Variants in DDX60 observed in about 807,000 individuals in gnomAD.
DDX60 encodes the protein probable ATP-dependent RNA helicase DDX60.
Under a neutral mutation model 212.8 loss-of-function variants are expected in DDX60, and 165 were observed. The ratio of observed to expected loss-of-function variants is 0.78; its 90% confidence interval spans 0.68 to 0.88. The LOEUF is 0.88. Ranked by LOEUF, DDX60 falls within the 40% of genes least tolerant of loss-of-function variation. The pLI, the probability that DDX60 is intolerant of heterozygous loss-of-function variation, is 0.00. For synonymous variants in DDX60, 703 were observed against 685.3 expected (o/e 1.03, Z -0.40); for missense variants, 1,905 against 2,003.9 (o/e 0.95, Z 0.94).
At chr4:168,252,006 T>C (rs1419643331) in intron 27 of DDX60, among the ~76,000 whole-genome samples, 5 of 152,242 alleles carry the variant, frequency 3.3e-5, no homozygotes, top group Non-Finnish European at 1.5e-5. Flanking sequence ...GCTATTCCAA[T>C]GCCTCTTTGG....
chr4:168,298,513 T>C (rs1240761048), intron 6 of DDX60, among the ~76,000 whole-genome samples: 3 of 152,160 alleles, frequency 2.0e-5, no homozygotes, highest in Non-Finnish European at 4.4e-5. Flanking sequence ...AGTCTTTTAT[T>C]CTAAAAGCCA....
intron 3 of DDX60, among the ~76,000 whole-genome samples, chr4:168,308,796 T>C (rs1360142289): frequency 2.7e-5 from 4 of 150,580 alleles, no homozygotes; most frequent in African/African-American, 9.7e-5. Flanking sequence ...TCAATAAATA[T>C]ATTAGAAAAA....
the DDX60 span, among the ~76,000 whole-genome samples, chr4:168,324,129 G>A: frequency 6.6e-6 from 1 of 152,188 alleles, no homozygotes; most frequent in Non-Finnish European, 1.5e-5. Context: ...CCCAAGTTTG[G>A]CTCCATCCTG....
chr4:168,252,769 C>G, intron 26 of DDX60, 113 bp from the exon 27 acceptor site: 5 of 679,916 alleles, frequency 7.4e-6, no homozygotes, highest in Non-Finnish European at 1.2e-5. Context: ...TCTTCTCACC[C>G]AGACTTCCAC....
Position 168,248,300 on chromosome 4 carries a change from G to A in DDX60, c.3859-8C>T, listed in dbSNP as rs570867220. On this transcript the variant is annotated splice_polypyrimidine_tract_variant and splice_region_variant and intron_variant, in intron 28 of 37. Coordinates refer to ENST00000393743, the MANE Select transcript of DDX60 (RefSeq NM_017631.6). ...TCCAGTAGCTGTCACCACCTTGAAA[G>A]AGAATAAAACAATTACTTCATAAAA... 56 of 1,573,472 alleles carry A rather than the reference G, an allele frequency of 3.6e-5. No homozygotes were observed. The Middle Eastern group carries it at 8.4e-4, about 24-fold the overall frequency.
chr4:168,240,816 C>T (rs575469279), intron 30 of DDX60, among the ~76,000 whole-genome samples: 1 of 152,222 alleles, frequency 6.6e-6, no homozygotes, highest in East Asian at 1.9e-4. Context: ...ACTTAAGGTA[C>T]ACCCCAAAAT....
intron 14 of DDX60, among the ~76,000 whole-genome samples, chr4:168,277,605 A>G (rs1579038600): frequency 6.6e-6 from 1 of 152,160 alleles, no homozygotes; most frequent in East Asian, 1.9e-4. Flanking sequence ...TGGGAGGCCG[A>G]GGCGGGCAGA....
chr4:168,237,698 A>C lies in DDX60; in HGVS notation c.4262T>G (p.Val1421Gly), dbSNP rs1358939854. 1 of 1,610,880 alleles carries C rather than the reference A, an allele frequency of 6.2e-7. No homozygotes were observed. The highest frequency in any genetic ancestry group is 8.5e-7 in the Non-Finnish European group (1 of 1,178,458). ...LYFLFSLQFL[V>G]KEGYLDQEGN... ...AAGTGCAGTAATGCATACCTCTTTCACCAGGAACTGCAAAGAAAACAGGAA... is the reference window on the plus strand; with the variant it reads ...AAGTGCAGTAATGCATACCTCTTTCCCCAGGAACTGCAAAGAAAACAGGAA... Residue 1421 changes from valine (V) to glycine (G), a missense_variant, in exon 31 of 38, where the codon GTG (valine) becomes GGG (glycine). Val to Gly is a moderately radical substitution (Grantham distance 109). Transcript: ENST00000393743.
rs758859993 is a variant in DDX60, at chr4:168,284,903, T to C, written c.1478A>G (p.Gln493Arg). Residue 493 changes from glutamine (Q) to arginine (R), a missense_variant, in exon 12 of 38, where the codon CAA (glutamine) becomes CGA (arginine). Gln to Arg is a conservative substitution (Grantham distance 43, BLOSUM62 1). Transcript: ENST00000393743. ...GTGCACAAGTTCATCAAATTCCTTT[T>C]GTTTAACCAGTGAAGTAACAATAGG... Reference protein sequence around the residue: ...DDPIVTSLVKQKEFDELVHWH... With the variant: ...DDPIVTSLVKRKEFDELVHWH... 4.4e-6 allele frequency: 7 copies of C among 1,596,678 alleles called. No individual in the cohort carries two copies. In the African/African-American group the frequency reaches 6.7e-5, roughly 15 times the overall value.
At chr4:168,269,768 G>C (rs1735011871) in intron 19 of DDX60, among the ~76,000 whole-genome samples, 1 of 152,076 alleles carries the variant, frequency 6.6e-6, no homozygotes. Context: ...TCAATCCACT[G>C]TCTCCACCTT....
intron 6 of DDX60, among the ~76,000 whole-genome samples, chr4:168,298,766 C>G (rs1041558082): frequency 6.6e-6 from 1 of 151,982 alleles, no homozygotes; most frequent in Non-Finnish European, 1.5e-5. Flanking sequence ...GATAGGGAAT[C>G]TTCATTTGTC....
intron 1 of DDX60, among the ~76,000 whole-genome samples, chr4:168,313,901 A>T (rs994498940): frequency 1.3e-5 from 2 of 152,232 alleles, no homozygotes; most frequent in Non-Finnish European, 2.9e-5. Flanking sequence ...TATAACTATG[A>T]CTGAGACGTG....
chr4:168,236,787 T>C (rs1733645042), intron 32 of DDX60, among the ~76,000 whole-genome samples: 1 of 151,842 alleles, frequency 6.6e-6, no homozygotes. Context: ...AATATGATTC[T>C]AAATTACACT....
intron 28 of DDX60, among the ~76,000 whole-genome samples, chr4:168,249,081 T>C (rs967259294): frequency 5.9e-5 from 9 of 151,482 alleles, no homozygotes; most frequent in African/African-American, 2.2e-4. Flanking sequence ...TTTAAATGAA[T>C]AACTAGAAAG....
intron 25 of DDX60, among the ~76,000 whole-genome samples, chr4:168,256,622 CA>C (rs1734423177): frequency 6.6e-6 from 1 of 152,132 alleles, no homozygotes; most frequent in Admixed American, 6.5e-5. Context: ...GAAGTAAAGG[CA>C]AACATTTCCT....
At chr4:168,252,991 G>A (rs546895865) in intron 26 of DDX60, among the ~76,000 whole-genome samples, 1 of 152,182 alleles carries the variant, frequency 6.6e-6, no homozygotes, top group African/African-American at 2.4e-5. Context: ...CTTCAGTAGA[G>A]ACGGGGTTTC....
chr4:168,261,970 A>G, intron 24 of DDX60, 30 bp downstream of exon 24: 1 of 1,566,476 alleles, frequency 6.4e-7, no homozygotes, highest in Non-Finnish European at 8.6e-7. Flanking sequence ...AACAAAAATA[A>G]AGTTTGGCCA....
Position 168,290,796 on chromosome 4 carries a change from A to G in DDX60, c.1041+952T>C, listed in dbSNP as rs143937656. 9.5e-3 allele frequency among the ~76,000 whole-genome samples: 1,451 copies of G among 152,298 alleles called. 16 individuals are homozygous for G. Among genetic ancestry groups the G allele is most frequent in the African/African-American group, 0.033 (1,358 of 41,562 alleles). On this transcript the variant is annotated intron_variant, in intron 8 of 37. Transcript: ENST00000393743. ...TGTCTTCTGTGGAAAATGTAGGTCTATGAAGGGGTTGGAGTGGGAAGGGTA... is the reference window on the plus strand; with the variant it reads ...TGTCTTCTGTGGAAAATGTAGGTCTGTGAAGGGGTTGGAGTGGGAAGGGTA...
chr4:168,267,662 C>G lies in DDX60; in HGVS notation c.2959G>C (p.Glu987Gln). 3 of 1,603,084 alleles carry G rather than the reference C, an allele frequency of 1.9e-6. No individual in the cohort carries two copies. Among genetic ancestry groups the G allele is most frequent in the Non-Finnish European group, 2.6e-6 (3 of 1,174,870 alleles). Residue 987 changes from glutamate (E) to glutamine (Q), a missense_variant, in exon 22 of 38, where the codon GAG (glutamate) becomes CAG (glutamine). Transcript: ENST00000393743. ...VLYGERYNDL[E>Q]KHVCSIKHGD... is the part of the protein sequence containing the mutation. ...TGTTTTATTGAACATACATGCTTCT[C>G]TAGATCATTATACCTCTCTCCATAG...
Sources: gnomAD v4.1 joint callset for allele counts (sites outside exome capture counted in the v4.1 genomes callset) on GRCh38, gnomAD v4.1.1 for gene constraint, MANE v1.5 for transcripts, NCBI Gene and HGNC (gene_info 2026-07-23, HGNC 2026-07-21) for gene names.